NKAIN3: variants seen among roughly 807,000 people sequenced by gnomAD.
NKAIN3 encodes the protein sodium/potassium-transporting ATPase subunit beta-1-interacting protein 3.
In NKAIN3, 25 loss-of-function variants were observed where a neutral mutation model predicts 30.2. The ratio of observed to expected loss-of-function variants is 0.83; its 90% CI spans 0.60 to 1.16. The LOEUF (loss-of-function observed/expected upper bound fraction) is 1.16, where lower values mean the gene tolerates loss of function less well. Among genes scored for constraint, NKAIN3 ranks in the 50% most tolerant of loss-of-function variants. The probability of loss-of-function intolerance (pLI) is 0.00; values close to 1 mark genes in which losing one functional copy is unlikely to be tolerated. For synonymous variants in NKAIN3, 91 were observed against 89.6 expected, an observed-to-expected ratio of 1.02 and a Z score of -0.09; for missense variants, 225 against 254.1, an observed-to-expected ratio of 0.89 and a Z score of 0.78.
chr8:62,330,480 C>G (rs1653472397), intron 1 of NKAIN3, among the ~76,000 whole-genome samples: 1 of 151,848 alleles, frequency 6.6e-6, no homozygotes, highest in Admixed American at 6.6e-5. Flanking sequence ...AGATTTGAGG[C>G]TGAAATACAT....
chr8:62,761,764 G>C (rs1053902033), intron 4 of NKAIN3, among the ~76,000 whole-genome samples: 5 of 152,160 alleles, frequency 3.3e-5, no homozygotes, highest in African/African-American at 1.2e-4. Context: ...GAAAAGAACA[G>C]ACAGCTGGGA....
intron 4 of NKAIN3, among the ~76,000 whole-genome samples, chr8:62,845,184 C>T (rs962910131): frequency 6.6e-6 from 1 of 150,474 alleles, no homozygotes; most frequent in Non-Finnish European, 1.5e-5. Flanking sequence ...GGGATGCTTT[C>T]AATGCTTTCC....
chr8:62,934,915 A>G (rs527768906), intron 5 of NKAIN3, among the ~76,000 whole-genome samples: 29 of 152,246 alleles, frequency 1.9e-4, no homozygotes, highest in African/African-American at 6.7e-4. Context: ...AGCACCAGGC[A>G]TTGACCTGCC....
intron 4 of NKAIN3, among the ~76,000 whole-genome samples, chr8:62,844,615 G>A (rs4568616): frequency 6.6e-6 from 1 of 151,960 alleles, no homozygotes. Flanking sequence ...AACAGATATT[G>A]ATAGTTGAGC....
intron 1 of NKAIN3, among the ~76,000 whole-genome samples, chr8:62,576,653 T>A (rs1480143702): frequency 6.6e-6 from 1 of 152,148 alleles, no homozygotes; most frequent in Non-Finnish European, 1.5e-5. Context: ...TTCAGCATTT[T>A]CTGATTTCCA....
At chr8:62,346,477 G>T (rs994416788) in intron 1 of NKAIN3, among the ~76,000 whole-genome samples, 1 of 151,968 alleles carries the variant, frequency 6.6e-6, no homozygotes, top group South Asian at 2.1e-4. Flanking sequence ...TATTAAACTA[G>T]CAAATCCTAT....
chr8:62,350,557 A>G (rs1474025414), intron 1 of NKAIN3, among the ~76,000 whole-genome samples: 2 of 152,228 alleles, frequency 1.3e-5, no homozygotes, highest in African/African-American at 2.4e-5. Flanking sequence ...TGGCTGCAGA[A>G]CAATGTGAAT....
intron 3 of NKAIN3, among the ~76,000 whole-genome samples, chr8:62,733,829 A>G (rs1332225844): frequency 6.6e-6 from 1 of 152,208 alleles, no homozygotes; most frequent in Non-Finnish European, 1.5e-5. Flanking sequence ...TACATCTTCC[A>G]AATCATTGAC....
intron 1 of NKAIN3, among the ~76,000 whole-genome samples, chr8:62,455,097 A>G (rs78089723): frequency 1.9e-3 from 282 of 152,348 alleles, no homozygotes; most frequent in African/African-American, 5.7e-3. Flanking sequence ...TTGGTAGGAT[A>G]AAGTCAGAGA....
chr8:62,290,568 C>A (rs554002129), intron 1 of NKAIN3, among the ~76,000 whole-genome samples: 9 of 152,268 alleles, frequency 5.9e-5, no homozygotes, highest in African/African-American at 2.2e-4. Context: ...GTTGAACCAG[C>A]CTTGCATCCC....
At chr8:62,505,020 TA>T (rs1563429994) in intron 1 of NKAIN3, among the ~76,000 whole-genome samples, 2 of 152,208 alleles carry the variant, frequency 1.3e-5, no homozygotes, top group Non-Finnish European at 2.9e-5. Context: ...TTGTAGTTAA[TA>T]AGCATTTTCT....
chr8:62,887,234 T>G (rs1460406565), intron 4 of NKAIN3, among the ~76,000 whole-genome samples: 2 of 151,990 alleles, frequency 1.3e-5, no homozygotes, highest in Admixed American at 6.6e-5. Context: ...AAGTGTTGTG[T>G]TTTTTTTCTG....
At chr8:62,958,651 G>A (rs2130902445) in intron 6 of NKAIN3, among the ~76,000 whole-genome samples, 1 of 152,300 alleles carries the variant, frequency 6.6e-6, no homozygotes, top group East Asian at 1.9e-4. Context: ...AAGAAAAATA[G>A]CATGGCATAA....
Position 62,644,471 on chromosome 8 carries a change from A to G in NKAIN3, c.273+54677A>G, listed in dbSNP as rs543606151. ...CCTTTCAAAATGACACTTTTAGACT[A>G]CCCAAATAATAAATCTGTGTTTAAT... On this transcript the variant is annotated intron_variant, in intron 3 of 6. Coordinates refer to ENST00000623646, the MANE Select transcript of NKAIN3 (RefSeq NM_001304533.3). Among the ~76,000 whole-genome samples the G allele has an allele frequency of 2.6e-5, 4 of 152,218 alleles. No individual in the cohort carries two copies. In the South Asian group the frequency reaches 8.3e-4, roughly 32 times the overall value.
intron 3 of NKAIN3, among the ~76,000 whole-genome samples, chr8:62,713,204 G>A (rs1814778639): frequency 6.6e-6 from 1 of 152,152 alleles, no homozygotes; most frequent in Non-Finnish European, 1.5e-5. Context: ...GCTGCCACCA[G>A]GGTGCACACA....
chr8:62,970,968 G>A lies in NKAIN3; in HGVS notation c.*5561G>A, dbSNP rs1823819660. On this transcript the variant is annotated 3_prime_UTR_variant, in exon 7 of 7. Transcript: ENST00000623646. The stretch of plus-strand genomic sequence containing the variant: ...TAACAGAAAAAGAAAAATGACAATG[G>A]ATTAAATAACATAGAGGTCTATTTC... 6.6e-6 allele frequency among the ~76,000 whole-genome samples: 1 copy of A among 152,164 alleles called. No homozygotes were observed. The highest frequency in any genetic ancestry group is 2.4e-5 in the African/African-American group (1 of 41,440).
At chr8:62,465,117 A>T (rs1413978763) in intron 1 of NKAIN3, among the ~76,000 whole-genome samples, 4 of 152,204 alleles carry the variant, frequency 2.6e-5, no homozygotes, top group Non-Finnish European at 2.9e-5. Context: ...AAGCTCAAAC[A>T]GTTTTATAGA....
At chr8:62,698,068 G>C (rs1814221490) in intron 3 of NKAIN3, among the ~76,000 whole-genome samples, 1 of 150,142 alleles carries the variant, frequency 6.7e-6, no homozygotes, top group Non-Finnish European at 1.5e-5. Context: ...ATAAAATAAT[G>C]TAATCATAAA....
rs572833386 is a variant in NKAIN3, at chr8:62,373,968, C to T, written c.54+124841C>T. Among the ~76,000 whole-genome samples, 14 of 151,842 alleles carry T rather than the reference C, an allele frequency of 9.2e-5. No homozygotes were observed. In the East Asian group the frequency reaches 2.5e-3, roughly 27 times the overall value. ...TCTCTACTAAAATACAAAAAATTAG[C>T]CAGGCGTGGTGGCAGGCGCCTGTAG... On this transcript the variant is annotated intron_variant, in intron 1 of 6. Coordinates refer to ENST00000623646, the MANE Select transcript of NKAIN3 (RefSeq NM_001304533.3).
Sources: allele counts gnomAD v4.1 joint callset (sites outside exome capture counted in the v4.1 genomes callset), GRCh38; gene constraint gnomAD v4.1.1; transcripts MANE v1.5; gene names NCBI Gene and HGNC (gene_info 2026-07-23, HGNC 2026-07-21).